Variants in NAALADL2 observed in about 807,000 individuals in gnomAD.
The protein encoded by NAALADL2 is inactive N-acetylated-alpha-linked acidic dipeptidase-like protein 2.
A neutral mutation model predicts 87.2 loss-of-function variants in NAALADL2; 76 were observed. The observed-to-expected ratio is 0.87, with a 90% CI of 0.72 to 1.05. The LOEUF is 1.05. Among genes scored for constraint, NAALADL2 ranks in the 50% least tolerant of loss-of-function variants. The pLI, the probability that NAALADL2 is intolerant of heterozygous loss-of-function variation, is 0.00. For synonymous variants in NAALADL2, 354 were observed against 331.0 expected (o/e 1.07, Z -0.75); for missense variants, 1,089 against 945.8 (o/e 1.15, Z -1.99).
intron 1 of NAALADL2, among the ~76,000 whole-genome samples, chr3:174,880,894 C>G (rs1012008412): frequency 6.6e-6 from 1 of 151,990 alleles, no homozygotes; most frequent in Middle Eastern, 3.2e-3. Flanking sequence ...TATATCATGC[C>G]CCTTCTCTTA....
intron 11 of NAALADL2, among the ~76,000 whole-genome samples, chr3:175,636,051 C>T (rs1225400574): frequency 1.3e-5 from 2 of 152,058 alleles, no homozygotes; most frequent in Non-Finnish European, 2.9e-5. Context: ...GTACTTACTG[C>T]CCCATGGACA....
intron 5 of NAALADL2, among the ~76,000 whole-genome samples, chr3:175,351,358 TTA>T (rs1188696913): frequency 9.2e-5 from 14 of 152,224 alleles, no homozygotes; most frequent in African/African-American, 3.4e-4. Context: ...ATGTGTAATT[TTA>T]GTTTCATACA....
chr3:174,677,297 G>T (rs1364271378), intron 2 of NAALADL2, among the ~76,000 whole-genome samples: 1 of 151,806 alleles, frequency 6.6e-6, no homozygotes, highest in Non-Finnish European at 1.5e-5. Context: ...GTCCTCTCCT[G>T]GGACTTGTTT....
intron 5 of NAALADL2, among the ~76,000 whole-genome samples, chr3:175,346,252 T>A (rs1440777129): frequency 4.6e-5 from 7 of 152,134 alleles, no homozygotes; most frequent in Non-Finnish European, 8.8e-5. Flanking sequence ...TTCACTGATT[T>A]TTTTTAGCCA....
rs114566664 is a variant in NAALADL2, at chr3:175,673,716, A to G, written c.1896+46330A>G. On this transcript the variant is annotated intron_variant, in intron 11 of 13. Transcript: ENST00000454872. ...ACAATTCCTCTCCTTATGGAAACCA[A>G]TGTTCCCAATACCTTCTGATAGATT... is the stretch of plus-strand genomic sequence containing the variant. 6.8e-4 allele frequency among the ~76,000 whole-genome samples: 104 copies of G among 152,206 alleles called. 1 individual carries two copies. The highest frequency in any genetic ancestry group is 2.4e-3 in the African/African-American group (100 of 41,564).
chr3:175,465,361 C>T (rs1046441629), intron 7 of NAALADL2, among the ~76,000 whole-genome samples: 2 of 151,306 alleles, frequency 1.3e-5, no homozygotes, highest in Non-Finnish European at 2.9e-5. Context: ...ATTTAGAATG[C>T]AGACAATTCC....
chr3:175,528,963 A>G (rs1183302703), intron 9 of NAALADL2, among the ~76,000 whole-genome samples: 1 of 151,988 alleles, frequency 6.6e-6, no homozygotes, highest in Non-Finnish European at 1.5e-5. Flanking sequence ...CCCATTCTGT[A>G]TTCCCTTTGC....
At chr3:174,563,909 C>G (rs1713924184) in intron 2 of NAALADL2, among the ~76,000 whole-genome samples, 1 of 152,062 alleles carries the variant, frequency 6.6e-6, no homozygotes, top group African/African-American at 2.4e-5. Context: ...CAAGAGAGTT[C>G]CTGCAAAGTA....
At chr3:175,430,524 C>T (rs1717572883) in intron 5 of NAALADL2, among the ~76,000 whole-genome samples, 1 of 151,896 alleles carries the variant, frequency 6.6e-6, no homozygotes, top group African/African-American at 2.4e-5. Flanking sequence ...AATTATATAA[C>T]TCTAGTTTGT....
intron 2 of NAALADL2, among the ~76,000 whole-genome samples, chr3:175,190,977 G>A (rs1457535673): frequency 7.7e-5 from 8 of 103,780 alleles, no homozygotes; most frequent in African/African-American, 1.0e-4. Context: ...GGGAGACTCC[G>A]TCTCAAAAAA....
At chr3:175,464,159 ATT>A (rs11299561) in intron 7 of NAALADL2, among the ~76,000 whole-genome samples, 1 of 149,276 alleles carries the variant, frequency 6.7e-6, no homozygotes, top group African/African-American at 2.4e-5. Flanking sequence ...GTTTTTAATG[ATT>A]TTTTTTTTTA....
chr3:175,312,328 G>GT (rs1025527833), intron 4 of NAALADL2, among the ~76,000 whole-genome samples: 11 of 151,760 alleles, frequency 7.2e-5, no homozygotes, highest in Non-Finnish European at 1.0e-4. Context: ...TCAGGTTCAT[G>GT]TTTTTTTAAG....
chr3:175,141,283 C>T (rs543271822), intron 2 of NAALADL2, among the ~76,000 whole-genome samples: 5 of 152,012 alleles, frequency 3.3e-5, no homozygotes, highest in Non-Finnish European at 7.4e-5. Flanking sequence ...GTTCATAGCT[C>T]CTTTTTTTTT....
At chr3:174,787,605 A>ATATATATATATATATATATATATATG (rs1553855453) in intron 3 of NAALADL2, among the ~76,000 whole-genome samples, 1 of 89,248 alleles carries the variant, frequency 1.1e-5, no homozygotes, top group Non-Finnish European at 2.4e-5. Context: ...ATATATATAT[A>ATATATATATATATATATATATATATG]TATATATATA....
intron 5 of NAALADL2, among the ~76,000 whole-genome samples, chr3:175,332,106 G>A (rs575088021): frequency 6.6e-6 from 1 of 152,258 alleles, no homozygotes; most frequent in East Asian, 1.9e-4. Flanking sequence ...AAGACATCTT[G>A]TGCTCATGGA....
chr3:175,643,722 G>A (rs1729600503), intron 11 of NAALADL2, among the ~76,000 whole-genome samples: 1 of 152,150 alleles, frequency 6.6e-6, no homozygotes, highest in South Asian at 2.1e-4. Flanking sequence ...TTGTCCAGGT[G>A]AGAAGAACAA....
chr3:175,258,523 A>G (rs1364861980), intron 4 of NAALADL2, among the ~76,000 whole-genome samples: 1 of 152,124 alleles, frequency 6.6e-6, no homozygotes. Context: ...AGAAACGTGA[A>G]CATTTCAAAG....
chr3:175,465,660 A>G (rs532685946), intron 7 of NAALADL2, among the ~76,000 whole-genome samples: 1 of 152,050 alleles, frequency 6.6e-6, no homozygotes, highest in Non-Finnish European at 1.5e-5. Context: ...TTTAGTAGAG[A>G]CGAGGTTTCA....
chr3:175,574,528 CTGGTGAGGGG>C (rs974804690), intron 9 of NAALADL2, among the ~76,000 whole-genome samples: 1 of 152,072 alleles, frequency 6.6e-6, no homozygotes, highest in African/African-American at 2.4e-5. Flanking sequence ...TTTCAAAGGG[CTGGTGAGGGG>C]TGGTTTCCAG....
Sources: allele counts gnomAD v4.1 joint callset (sites outside exome capture counted in the v4.1 genomes callset), GRCh38; gene constraint gnomAD v4.1.1; transcripts MANE v1.5; gene names NCBI Gene and HGNC (gene_info 2026-07-23, HGNC 2026-07-21).